CCDC7: variants seen among roughly 807,000 people sequenced by gnomAD.
CCDC7 encodes coiled-coil domain containing 7.
Under a neutral mutation model 196.9 loss-of-function variants are expected in CCDC7, and 183 were observed. The ratio of observed to expected loss-of-function variants is 0.93; its 90% CI spans 0.82 to 1.05. The LOEUF (loss-of-function observed/expected upper bound fraction) is 1.05, where lower values mean the gene tolerates loss of function less well. Ranked by LOEUF, CCDC7 falls within the 50% of genes least tolerant of loss-of-function variation. The pLI is 0.00. For missense variants in CCDC7, 1,540 were observed against 1,482.2 expected (o/e 1.04, Z -0.64); for synonymous variants, 525 against 484.6 (o/e 1.08, Z -1.10).
intron 9 of CCDC7, chr10:32,511,222 T>G: frequency 4.6e-6 from 3 of 658,474 alleles, no homozygotes; most frequent in East Asian, 2.9e-5. Context: ...AAGAAACACA[T>G]TTAAACCTTG....
intron 41 of CCDC7, among the ~76,000 whole-genome samples, chr10:32,859,966 CCAAAT>C (rs1193605067): frequency 8.5e-5 from 13 of 152,142 alleles, no homozygotes; most frequent in African/African-American, 2.9e-4. Context: ...GGATTCACAG[CCAAAT>C]TCTACCAGAG....
At chr10:32,555,434 C>T (rs898050157) in intron 13 of CCDC7, among the ~76,000 whole-genome samples, 8 of 151,920 alleles carry the variant, frequency 5.3e-5, no homozygotes, top group South Asian at 2.1e-4. Context: ...TTAGTAGAGG[C>T]GGGGTTTCAC....
intron 8 of CCDC7, among the ~76,000 whole-genome samples, chr10:32,491,467 G>A (rs1180904547): frequency 1.3e-5 from 2 of 152,112 alleles, no homozygotes; most frequent in African/African-American, 2.4e-5. Flanking sequence ...AGCTTAACAG[G>A]TTAGCTAGAT....
intron 14 of CCDC7, among the ~76,000 whole-genome samples, chr10:32,566,411 GT>G (rs1184710579): frequency 6.6e-6 from 1 of 152,074 alleles, no homozygotes; most frequent in Non-Finnish European, 1.5e-5. Flanking sequence ...AATGTCATAT[GT>G]TTTAATAGCA....
chr10:32,631,055 A>C (rs1002426199), intron 18 of CCDC7, among the ~76,000 whole-genome samples: 1 of 152,224 alleles, frequency 6.6e-6, no homozygotes, highest in African/African-American at 2.4e-5. Flanking sequence ...AAGGAAGGCC[A>C]TATGTAGGTT....
At chr10:32,659,665 C>T (rs970463006) in intron 20 of CCDC7, among the ~76,000 whole-genome samples, 3 of 152,214 alleles carry the variant, frequency 2.0e-5, no homozygotes, top group South Asian at 4.2e-4. Flanking sequence ...AAAAAGTGGG[C>T]AAAAGACATG....
At chr10:32,634,304 G>A in exon 19 of CCDC7, 2 of 1,219,778 alleles carry the variant, frequency 1.6e-6, no homozygotes, top group Non-Finnish European at 2.0e-6. Context: ...TAAAGATTCA[G>A]TAACAAAAGT....
At chr10:32,547,804 T>G (rs545295560) in intron 13 of CCDC7, among the ~76,000 whole-genome samples, 16 of 152,200 alleles carry the variant, frequency 1.1e-4, no homozygotes, top group Non-Finnish European at 2.2e-4. Context: ...TAAATTTATT[T>G]TTCCATAAGT....
At chr10:32,829,563 T>C (rs890515114) in intron 32 of CCDC7, among the ~76,000 whole-genome samples, 2 of 152,148 alleles carry the variant, frequency 1.3e-5, no homozygotes, top group African/African-American at 4.8e-5. Context: ...AGTATTTGGG[T>C]TGGGGATTTG....
At chr10:32,674,797 T>C (rs1630152) in intron 21 of CCDC7, among the ~76,000 whole-genome samples, 140,500 of 152,124 alleles carry the variant, frequency 0.92, 65,869 homozygotes, top group East Asian at 1. Context: ...GATGGAGTCT[T>C]GCTCTGTCGC....
chr10:32,565,542 C>T lies in CCDC7; in HGVS notation c.1135-16C>T, dbSNP rs1564671671. 3.7e-6 allele frequency: 6 copies of T among 1,601,880 alleles called. No homozygotes were observed. Among genetic ancestry groups the T allele is most frequent in the Non-Finnish European group, 5.1e-6 (6 of 1,175,104 alleles). Reference sequence around the variant, plus strand: ...TACCAAAGTAAATACCTTTTTTCCCCCTTCTTACTTCCTAGAAAGTAGCAC... The same window carrying T: ...TACCAAAGTAAATACCTTTTTTCCCTCTTCTTACTTCCTAGAAAGTAGCAC... On this transcript the variant is annotated splice_polypyrimidine_tract_variant and intron_variant, in intron 13 of 41. Coordinates refer to ENST00000639629, the Ensembl canonical transcript of CCDC7.
intron 24 of CCDC7, among the ~76,000 whole-genome samples, chr10:32,709,326 G>C (rs979944042): frequency 8.6e-6 from 1 of 116,788 alleles, no homozygotes; most frequent in African/African-American, 3.2e-5. Flanking sequence ...TATCGTGGGT[G>C]GGGGGAGGGG....
chr10:32,739,720 G>A (rs1436188126), intron 28 of CCDC7, among the ~76,000 whole-genome samples: 2 of 151,610 alleles, frequency 1.3e-5, no homozygotes, highest in Non-Finnish European at 2.9e-5. Flanking sequence ...TAGACATAAT[G>A]TATTGGACAA....
chr10:32,763,963 A>G lies in CCDC7; in HGVS notation c.2906-15014A>G, dbSNP rs554939564. On this transcript the variant is annotated intron_variant, in intron 28 of 41. Transcript: ENST00000639629. ...GAAAATTGCTAAGAGAGTAGACTTT[A>G]TTCTCACTATAAAAAGGGATATGTG... 1.1e-3 allele frequency among the ~76,000 whole-genome samples: 165 copies of G among 152,014 alleles called. 1 individual carries two copies. Among genetic ancestry groups the G allele is most frequent in the African/African-American group, 3.7e-3 (153 of 41,504 alleles).
chr10:32,824,065 T>G (rs1487441073), intron 31 of CCDC7, among the ~76,000 whole-genome samples: 1 of 152,162 alleles, frequency 6.6e-6, no homozygotes, highest in Non-Finnish European at 1.5e-5. Context: ...ATGACCATTG[T>G]GTGCAGATAG....
In CCDC7 at chr10:32,467,783, C is replaced by T. The variant is rs139291096; in HGVS notation, c.511-3281C>T. ...TGTACATGGTGTAAGCAATGAGTCC[C>T]GTTTAAATCTTCGGCACTTGGTTAA... is the stretch of plus-strand genomic sequence containing the variant. On this transcript the variant is annotated intron_variant, in intron 5 of 41. Coordinates refer to ENST00000639629, the Ensembl canonical transcript of CCDC7. Among the ~76,000 whole-genome samples the T allele has an allele frequency of 5.8e-4, 89 of 152,232 alleles. No individual in the cohort carries two copies. The Middle Eastern group carries it at 0.014, about 23-fold the overall frequency.
chr10:32,852,068 T>G (rs2093584740), intron 40 of CCDC7, 136 bp downstream of exon 41: 1 of 829,154 alleles, frequency 1.2e-6, no homozygotes. Context: ...GTGAGTTAAG[T>G]GCACCTAACA....
chr10:32,554,640 C>T (rs796102622), intron 13 of CCDC7, among the ~76,000 whole-genome samples: 43 of 152,326 alleles, frequency 2.8e-4, no homozygotes, highest in African/African-American at 8.4e-4. Context: ...TTCCTGCTTC[C>T]GCAGTTGGGG....
chr10:32,804,982 G>C (rs372515026), intron 29 of CCDC7, 33 bp from the exon 31 acceptor site: 1 of 1,388,834 alleles, frequency 7.2e-7, no homozygotes, highest in Non-Finnish European at 1.0e-6. Flanking sequence ...GGATTACCTC[G>C]CAAAGTATTT....
Sources: allele counts gnomAD v4.1 joint callset (sites outside exome capture counted in the v4.1 genomes callset), GRCh38; gene constraint gnomAD v4.1.1; transcripts MANE v1.5; gene names NCBI Gene and HGNC (gene_info 2026-07-23, HGNC 2026-07-21).